TEX11: variants seen among roughly 807,000 people sequenced by gnomAD.
TEX11 encodes testis expressed 11, also known as testis-expressed protein 11.
TEX11 carries 7 observed loss-of-function variants against 84.4 expected under a neutral mutation model. The ratio of observed to expected loss-of-function variants is 0.08; its 90% CI spans 0.05 to 0.16. The LOEUF (loss-of-function observed/expected upper bound fraction) is 0.16, where lower values mean the gene tolerates loss of function less well. Among genes scored for constraint, TEX11 ranks in the 10% least tolerant of loss-of-function variants. The pLI, the probability that TEX11 is intolerant of heterozygous loss-of-function variation, is 1.00. For missense variants in TEX11, 551 were observed against 660.5 expected (o/e 0.83, Z 1.82); for synonymous variants, 264 against 222.8 (o/e 1.18, Z -1.64).
downstream of TEX11, among the ~76,000 whole-genome samples, chrX:70,524,501 C>A (rs1289023311): frequency 1.8e-5 from 2 of 112,591 alleles, no homozygotes; most frequent in Non-Finnish European, 3.8e-5. Context: ...ACTCTGCATC[C>A]AAAAAGATTA....
At chrX:70,824,623 G>A (rs1324736541) in intron 8 of TEX11, among the ~76,000 whole-genome samples, 1 of 110,528 alleles carries the variant, frequency 9.0e-6, no homozygotes, top group Non-Finnish European at 1.9e-5. Flanking sequence ...TTGGTTAGAG[G>A]ACTGAAAAGG....
At chrX:70,573,380 A>T (rs1276713311) in intron 25 of TEX11, among the ~76,000 whole-genome samples, 1 of 111,432 alleles carries the variant, frequency 9.0e-6, no homozygotes, top group Non-Finnish European at 1.9e-5. Flanking sequence ...ATCTCCAGCT[A>T]ATTGTCTAAT....
chrX:70,754,771 A>G (rs200674630), intron 9 of TEX11, among the ~76,000 whole-genome samples: 3 of 107,613 alleles, frequency 2.8e-5, no homozygotes, highest in Admixed American at 2.0e-4. Context: ...GAAAGAGAGA[A>G]AGAGAGAGAG....
intron 8 of TEX11, among the ~76,000 whole-genome samples, chrX:70,817,628 G>A (rs2091295837): frequency 9.0e-6 from 1 of 110,735 alleles, no homozygotes; most frequent in Non-Finnish European, 1.9e-5. Context: ...TAGTTGCAGT[G>A]AGCCAAGATC....
chrX:70,758,903 A>G (rs1356690453), intron 9 of TEX11, among the ~76,000 whole-genome samples: 1 of 111,880 alleles, frequency 8.9e-6, no homozygotes, highest in Non-Finnish European at 1.9e-5. Context: ...AAGAAGAATC[A>G]AATAGACACA....
chrX:70,549,153 C>T (rs184244315), intron 28 of TEX11, among the ~76,000 whole-genome samples: 1 of 111,442 alleles, frequency 9.0e-6, no homozygotes, highest in Non-Finnish European at 1.9e-5. Context: ...TTTTGAGACA[C>T]ACCTCGGGCT....
chrX:70,606,042 A>C (rs992932609), intron 23 of TEX11, among the ~76,000 whole-genome samples: 2 of 112,505 alleles, frequency 1.8e-5, no homozygotes, highest in African/African-American at 6.4e-5. Context: ...TTACACGCCA[A>C]TCCTACAAGT....
At chrX:70,874,813 T>C (rs1012422597) in intron 3 of TEX11, among the ~76,000 whole-genome samples, 2 of 111,719 alleles carry the variant, frequency 1.8e-5, no homozygotes, top group Admixed American at 1.9e-4. Flanking sequence ...TGATGGGAAA[T>C]GAGCATCCAG....
chrX:70,905,950 G>T (rs185639743), intron 2 of TEX11, among the ~76,000 whole-genome samples: 13 of 98,759 alleles, frequency 1.3e-4, no homozygotes, highest in Non-Finnish European at 2.0e-4. Context: ...CTACTCGAGA[G>T]GCTGAGGCAG....
chrX:70,834,069 G>T (rs1478431850), intron 7 of TEX11, among the ~76,000 whole-genome samples: 1 of 110,676 alleles, frequency 9.0e-6, no homozygotes, highest in Non-Finnish European at 1.9e-5. Context: ...CACACCTATG[G>T]TCCCAGCTAC....
intron 28 of TEX11, among the ~76,000 whole-genome samples, chrX:70,541,390 TGTG>T (rs902169285): frequency 1.8e-5 from 2 of 111,196 alleles, no homozygotes; most frequent in Non-Finnish European, 3.8e-5. Context: ...GAGGAATACT[TGTG>T]GTGACAGAAA....
rs140984896 is a variant in TEX11, at chrX:70,609,945, A to T, written c.1792+558T>A. Among the ~76,000 whole-genome samples the T allele has an allele frequency of 3.0e-3, 331 of 110,364 alleles. 1 individual carries two copies. Among genetic ancestry groups the T allele is most frequent in the African/African-American group, 0.01 (309 of 30,341 alleles). On this transcript the variant is annotated intron_variant, in intron 21 of 29. Transcript: ENST00000374333. ...GAAAAATTATTAGTAGATAAGGGAG[A>T]TGGCACAGACTTGGGTGGACAGCTT...
chrX:70,526,548 G>A (rs1427831712), downstream of TEX11, among the ~76,000 whole-genome samples: 4 of 103,236 alleles, frequency 3.9e-5, no homozygotes, highest in Admixed American at 2.1e-4. Context: ...CAGCCTGGGC[G>A]ACACAGCAAG....
intron 28 of TEX11, among the ~76,000 whole-genome samples, chrX:70,539,682 G>A (rs1012952052): frequency 1.8e-5 from 2 of 111,329 alleles, no homozygotes; most frequent in African/African-American, 6.5e-5. Flanking sequence ...TGGAATAAAT[G>A]TACTTATCCC....
intron 25 of TEX11, among the ~76,000 whole-genome samples, chrX:70,563,098 T>G (rs2088397972): frequency 8.9e-6 from 1 of 112,210 alleles, no homozygotes; most frequent in African/African-American, 3.2e-5. Context: ...GTTTTCAAAG[T>G]CATGGTTTAG....
chrX:70,894,553 G>T (rs1488040070), intron 2 of TEX11, among the ~76,000 whole-genome samples: 1 of 109,646 alleles, frequency 9.1e-6, no homozygotes, highest in Non-Finnish European at 1.9e-5. Flanking sequence ...TTGAACCCGG[G>T]AGGAAGAGGT....
rs2088736080 is a variant in TEX11 at position 70,579,505 on chromosome X, A to T, written c.2140+12246T>A. On this transcript the variant is annotated intron_variant, in intron 25 of 29. Transcript: ENST00000374333. The stretch of plus-strand genomic sequence containing the variant: ...GAGCAAGACTCCGTCTCAAAAACAA[A>T]AAAACAAAAAAAACAAAAAAAAAAA... Among the ~76,000 whole-genome samples the T allele has an allele frequency of 4.6e-4, 5 of 10,862 alleles. No individual in the cohort carries two copies. In the Admixed American group the frequency reaches 8.2e-3, roughly 18 times the overall value. 9.4% of individuals were successfully genotyped at this position (10,862 alleles called of 115,157 possible).
chrX:70,659,163 A>C (rs1181726225), intron 16 of TEX11, among the ~76,000 whole-genome samples: 2 of 112,281 alleles, frequency 1.8e-5, no homozygotes, highest in Non-Finnish European at 3.8e-5. Context: ...GACTTCTTGG[A>C]TATGACACCC....
chrX:70,697,658 A>T (rs2090291787), intron 13 of TEX11, among the ~76,000 whole-genome samples: 1 of 112,181 alleles, frequency 8.9e-6, no homozygotes, highest in South Asian at 3.7e-4. Flanking sequence ...CCACAGACAT[A>T]CAGCTCAACT....
Sources: gnomAD v4.1 joint callset for allele counts (sites outside exome capture counted in the v4.1 genomes callset) on GRCh38, gnomAD v4.1.1 for gene constraint, MANE v1.5 for transcripts, NCBI Gene and HGNC (gene_info 2026-07-23, HGNC 2026-07-21) for gene names.